Variants in DCX observed in about 807,000 individuals in gnomAD.
DCX encodes the protein neuronal migration protein doublecortin.
A neutral mutation model predicts 20.9 loss-of-function variants in DCX; 4 were observed. The ratio of observed to expected loss-of-function variants is 0.19; its 90% CI spans 0.09 to 0.44. DCX has a LOEUF of 0.44. DCX is among the 20% of genes least tolerant of loss of function. The pLI is 0.99. For synonymous variants in DCX, 103 were observed against 111.4 expected (o/e 0.92, Z 0.47); for missense variants, 133 against 296.9 (o/e 0.45, Z 4.06).
chrX:111,399,504 T>C lies in DCX; in HGVS notation c.705+1486A>G, dbSNP rs949279052. On this transcript the variant is annotated intron_variant, in intron 3 of 6. Coordinates refer to ENST00000636035, the MANE Select transcript of DCX (RefSeq NM_001195553.2). ...ATTTATGCCTAATATAAAGAAACTC[T>C]AAAAATCACAGCTGTTGAACAGTGA... Among the ~76,000 whole-genome samples the C allele has an allele frequency of 4.4e-4, 49 of 112,313 alleles. 1 individual carries two copies. The highest frequency in any genetic ancestry group is 5.6e-5 in the Non-Finnish European group (3 of 53,308).
chrX:111,404,334 TG>T (rs1928050541), intron 2 of DCX, among the ~76,000 whole-genome samples: 1 of 112,143 alleles, frequency 8.9e-6, no homozygotes, highest in South Asian at 3.7e-4. Context: ...TGAGCACTGC[TG>T]GGGGCCTGTG....
At chrX:111,401,371 C>A (rs756982096) in intron 2 of DCX, 41 bp from the exon 3 acceptor site, 1 of 1,084,660 alleles carries the variant, frequency 9.2e-7, no homozygotes, top group Non-Finnish European at 1.3e-6. Context: ...AGTTTAATAG[C>A]AGATATATGG....
chrX:111,336,964 AAAG>A (rs774946799), intron 3 of DCX, among the ~76,000 whole-genome samples: 77 of 111,548 alleles, frequency 6.9e-4, no homozygotes, highest in African/African-American at 2.4e-3. Flanking sequence ...AGAAGAAGGA[AAAG>A]AAGGAGGAGG....
At position 111,392,754 on chromosome X, in the gene DCX, T is replaced by A. The variant is rs183855493; in HGVS notation, c.705+8236A>T. Among the ~76,000 whole-genome samples the A allele has an allele frequency of 6.3e-5, 7 of 111,763 alleles. No homozygotes were observed. In the Admixed American group the frequency reaches 6.6e-4, roughly 11 times the overall value. On this transcript the variant is annotated intron_variant, in intron 3 of 6. Transcript: ENST00000636035. ...ATTAAAATCATTGAACTGTACACTT[T>A]GAATAAGCAAAATATGTGATATGTG...
chrX:111,305,952 C>T (rs2095044501), intron 6 of DCX, among the ~76,000 whole-genome samples: 1 of 111,061 alleles, frequency 9.0e-6, no homozygotes, highest in Non-Finnish European at 1.9e-5. Context: ...AGTAAAAATA[C>T]AACAAGTGAA....
intron 3 of DCX, among the ~76,000 whole-genome samples, chrX:111,375,162 G>A (rs1038202020): frequency 2.8e-5 from 3 of 105,485 alleles, no homozygotes; most frequent in Non-Finnish European, 3.9e-5. Flanking sequence ...CTTGATGCTG[G>A]TGATGGCTAC....
At chrX:111,331,481 C>T (rs1402590809) in intron 4 of DCX, among the ~76,000 whole-genome samples, 1 of 112,196 alleles carries the variant, frequency 8.9e-6, no homozygotes. Flanking sequence ...CTACCACTTA[C>T]TATTACATGC....
intron 3 of DCX, among the ~76,000 whole-genome samples, chrX:111,359,538 G>T (rs1305712802): frequency 1.8e-5 from 2 of 111,665 alleles, no homozygotes; most frequent in Non-Finnish European, 3.8e-5. Flanking sequence ...TTTTGATTAT[G>T]CCAAAATCTA....
rs760839473 is a variant in DCX, at chrX:111,409,502, T to C, written c.364+533A>G. ...TCAGCCTTAGGGACACACCCTAAAG[T>C]AGGCTTTTTAGAAGCAACAGCTGAG... On this transcript the variant is annotated intron_variant, in intron 2 of 6. Coordinates refer to ENST00000636035, the MANE Select transcript of DCX (RefSeq NM_001195553.2). 8.0e-5 allele frequency among the ~76,000 whole-genome samples: 9 copies of C among 111,993 alleles called. No homozygotes were observed. The East Asian group carries it at 2.5e-3, about 31-fold the overall frequency.
intron 5 of DCX, among the ~76,000 whole-genome samples, chrX:111,318,754 TG>T (rs1284848988): frequency 9.0e-5 from 10 of 110,672 alleles, no homozygotes; most frequent in Non-Finnish European, 1.9e-4. Context: ...TGAGAACACA[TG>T]GACACAAAGA....
intron 5 of DCX, among the ~76,000 whole-genome samples, chrX:111,330,027 G>T (rs1921070795): frequency 8.9e-6 from 1 of 111,806 alleles, no homozygotes; most frequent in Non-Finnish European, 1.9e-5. Flanking sequence ...TTTTATTTTT[G>T]ATATTTGTTA....
chrX:111,313,842 A>C (rs6642885), intron 5 of DCX, among the ~76,000 whole-genome samples: 1 of 104,828 alleles, frequency 9.5e-6, no homozygotes, highest in Non-Finnish European at 2.0e-5. Flanking sequence ...GTGCTTTAAA[A>C]ACAAAGGCAA....
intron 6 of DCX, among the ~76,000 whole-genome samples, chrX:111,304,554 G>T (rs1244569539): frequency 1.8e-5 from 2 of 111,494 alleles, no homozygotes; most frequent in Non-Finnish European, 3.8e-5. Flanking sequence ...GCTCCCCAAA[G>T]AACTCATTCC....
intron 5 of DCX, among the ~76,000 whole-genome samples, chrX:111,316,091 A>AATAAATAAATAAAT (rs1556369825): frequency 1.0e-5 from 1 of 96,572 alleles, no homozygotes; most frequent in African/African-American, 4.5e-5. Flanking sequence ...AAAAATAAAA[A>AATAAATAAATAAAT]AAAAAAAAAA....
At chrX:111,335,790 C>G (rs1228997402) in intron 3 of DCX, among the ~76,000 whole-genome samples, 1 of 110,209 alleles carries the variant, frequency 9.1e-6, no homozygotes, top group Non-Finnish European at 1.9e-5. Context: ...TACTAAAATA[C>G]AAAAAACTAG....
At chrX:111,323,210 C>A (rs1274626217) in intron 5 of DCX, among the ~76,000 whole-genome samples, 1 of 112,010 alleles carries the variant, frequency 8.9e-6, no homozygotes, top group Non-Finnish European at 1.9e-5. Context: ...GCTTTGGAAT[C>A]AGTCAAAGTT....
chrX:111,379,138 ACTATAATT>A (rs1925768303), intron 3 of DCX, among the ~76,000 whole-genome samples: 2 of 112,438 alleles, frequency 1.8e-5, no homozygotes, highest in South Asian at 7.3e-4. Context: ...ATAAGCACAC[ACTATAATT>A]CACGCATAAA....
At chrX:111,357,864 G>T (rs1923872530) in intron 3 of DCX, among the ~76,000 whole-genome samples, 1 of 111,260 alleles carries the variant, frequency 9.0e-6, no homozygotes, top group African/African-American at 3.3e-5. Flanking sequence ...GTCTCACTCT[G>T]TCAGCCAGGC....
chrX:111,316,089 A>T (rs1261189787), intron 5 of DCX, among the ~76,000 whole-genome samples: 8 of 89,775 alleles, frequency 8.9e-5, no homozygotes, highest in African/African-American at 5.2e-5. Context: ...TAAAAAATAA[A>T]AAAAAAAAAA....
Sources: gnomAD v4.1 joint callset for allele counts (sites outside exome capture counted in the v4.1 genomes callset) on GRCh38, gnomAD v4.1.1 for gene constraint, MANE v1.5 for transcripts, NCBI Gene and HGNC (gene_info 2026-07-23, HGNC 2026-07-21) for gene names.